LRRC14B: variants seen among roughly 807,000 people sequenced by gnomAD.
LRRC14B encodes leucine rich repeat containing 14B.
LRRC14B carries 23 observed loss-of-function variants against 16.9 expected under a neutral mutation model. The ratio of observed to expected loss-of-function variants is 1.36; its 90% CI spans 0.98 to 1.92. The LOEUF (loss-of-function observed/expected upper bound fraction) is 1.92, where lower values mean the gene tolerates loss of function less well. Ranked by LOEUF, LRRC14B falls within the 30% of genes most tolerant of loss-of-function variation. The probability of loss-of-function intolerance (pLI) is 0.00; values close to 1 mark genes in which losing one functional copy is unlikely to be tolerated. For missense variants in LRRC14B, 766 were observed against 705.7 expected (o/e 1.09, Z -0.97); for synonymous variants, 358 against 332.5 (o/e 1.08, Z -0.83).
At position 191,500 on chromosome 5, in the gene LRRC14B, C is replaced by A; in HGVS notation, c.-39C>A. 6.4e-7 allele frequency: 1 copy of A among 1,566,620 alleles called. No homozygotes were observed. Among genetic ancestry groups the A allele is most frequent in the South Asian group, 1.2e-5 (1 of 84,256 alleles). ...TAAAGATAGGCGTGAAGGGCACACG[C>A]CTTGGGGAAAGTCGTGGGGAGCGGT... On this transcript the variant is annotated 5_prime_UTR_variant, in exon 1 of 2. Coordinates refer to ENST00000328278, the MANE Select transcript of LRRC14B (RefSeq NM_001080478.3).
chr5:192,012 C>A lies in LRRC14B; in HGVS notation c.474C>A (p.Val158=). 1 of 1,535,312 alleles carries A rather than the reference C, an allele frequency of 6.5e-7. No individual in the cohort carries two copies. Among genetic ancestry groups the A allele is most frequent in the Non-Finnish European group, 8.7e-7 (1 of 1,146,406 alleles). The part of the protein sequence containing the change: ...EPLAAGRPVE[V]LADLFVTEGN... ...TCGCAGCCGGGCGCCCCGTCGAGGT[C>A]CTCGCCGACCTCTTCGTCACTGAGG... Residue 158 remains valine (V), a synonymous_variant, in exon 1 of 2, where the codon GTC becomes GTA. Transcript: ENST00000328278.
chr5:191,671 G>C lies in LRRC14B; in HGVS notation c.133G>C (p.Glu45Gln), dbSNP rs937072768. The C allele has an allele frequency of 6.2e-7, 1 of 1,604,924 alleles. No individual in the cohort carries two copies. The highest frequency in any genetic ancestry group is 1.3e-5 in the African/African-American group (1 of 74,890). ...CCTGTTCAAAGCCAGCTACCTGCTGGAGCAGGCGGAGGTGACGCGCGCGGT... is the reference window on the plus strand; with the variant it reads ...CCTGTTCAAAGCCAGCTACCTGCTGCAGCAGGCGGAGGTGACGCGCGCGGT... Reference protein sequence around the residue: ...PLLFKASYLLEQAEVTRAVLG... With the variant: ...PLLFKASYLLQQAEVTRAVLG... Residue 45 changes from glutamate (E) to glutamine (Q), a missense_variant, in exon 1 of 2, where the codon GAG (glutamate) becomes CAG (glutamine). Coordinates refer to ENST00000328278, the MANE Select transcript of LRRC14B (RefSeq NM_001080478.3).
chr5:194,331 A>G (rs372997591), intron 1 of LRRC14B, among the ~76,000 whole-genome samples: 2 of 152,092 alleles, frequency 1.3e-5, no homozygotes, highest in South Asian at 4.2e-4. Flanking sequence ...CTCAGACAAC[A>G]CAAAAGCAGC....
rs1733802034 is a variant in LRRC14B at position 191,845 on chromosome 5, A to G, written c.307A>G (p.Ser103Gly). The G allele has an allele frequency of 1.1e-5, 17 of 1,525,386 alleles. No homozygotes were observed. The South Asian group carries it at 2.1e-4, about 18-fold the overall frequency. 94.5% of individuals were successfully genotyped at this position (1,525,386 alleles called of 1,614,324 possible). A position where few individuals can be genotyped will look rare whatever the true frequency, so the allele number is the denominator to read the frequency against. Residue 103 changes from serine to glycine, a missense_variant, in exon 1 of 2, where the codon AGC becomes GGC. Ser to Gly is a moderately conservative substitution (Grantham distance 56). Coordinates refer to ENST00000328278, the MANE Select transcript of LRRC14B (RefSeq NM_001080478.3). ...GLADHVLQDRSRRRLRVADLT... is the reference protein window; with the variant it reads ...GLADHVLQDRGRRRLRVADLT... ...CGCGGACCACGTGCTGCAGGACCGG[A>G]GCCGCCGGCGGCTGCGGGTGGCTGA...
At chr5:193,202 G>C (rs2126487230) in intron 1 of LRRC14B, among the ~76,000 whole-genome samples, 1 of 151,728 alleles carries the variant, frequency 6.6e-6, no homozygotes, top group East Asian at 2.0e-4. Context: ...GAGGGAGCCT[G>C]GTGGTGGGTC....
At chr5:193,004 A>G (rs1286629132) in intron 1 of LRRC14B, among the ~76,000 whole-genome samples, 1 of 152,158 alleles carries the variant, frequency 6.6e-6, no homozygotes, top group Non-Finnish European at 1.5e-5. Flanking sequence ...TGAAGGAGGC[A>G]GAGAGGGCAG....
Position 194,951 on chromosome 5 carries a change from C to T in LRRC14B, c.1143C>T (p.Ile381=). The change falls in exon 2 of 2, where the codon ATC becomes ATT. Residue 381 remains isoleucine, a synonymous_variant. Transcript: ENST00000328278. Reference sequence around the variant, plus strand: ...TAGACAGCCACGTTGGCATGCTGATCCTGGGCCTGAGCCCCTGCCACCGGC... The same window carrying T: ...TAGACAGCCACGTTGGCATGCTGATTCTGGGCCTGAGCCCCTGCCACCGGC... ...GIVDSHVGML[I]LGLSPCHRLR... 1.9e-6 allele frequency: 3 copies of T among 1,613,464 alleles called. No individual in the cohort carries two copies. Among genetic ancestry groups the T allele is most frequent in the Non-Finnish European group, 2.5e-6 (3 of 1,179,736 alleles).
At chr5:193,221 G>C (rs1188259322) in intron 1 of LRRC14B, among the ~76,000 whole-genome samples, 1 of 150,770 alleles carries the variant, frequency 6.6e-6, no homozygotes, top group African/African-American at 2.4e-5. Context: ...TCCTGAAGGA[G>C]GGGCAGCTGG....
chr5:192,354 C>A lies in LRRC14B; in HGVS notation c.816C>A (p.Ala272=). 6.3e-7 allele frequency: 1 copy of A among 1,592,982 alleles called. No individual in the cohort carries two copies. Among genetic ancestry groups the A allele is most frequent in the Non-Finnish European group, 8.5e-7 (1 of 1,170,804 alleles). ...DGEDPLLASI[A]RELSKMAQLT... ...AGGACCCCCTCCTCGCCTCCATCGCCCGGGAGCTCAGCAAGATGGCGCAGC... is the reference window on the plus strand; with the variant it reads ...AGGACCCCCTCCTCGCCTCCATCGCACGGGAGCTCAGCAAGATGGCGCAGC... Residue 272 remains alanine, a synonymous_variant, in exon 1 of 2, where the codon GCC becomes GCA. Transcript: ENST00000328278.
chr5:193,707 T>C (rs921845573), intron 1 of LRRC14B, among the ~76,000 whole-genome samples: 4 of 149,778 alleles, frequency 2.7e-5, no homozygotes, highest in Non-Finnish European at 5.9e-5. Flanking sequence ...GCAGGGGGCA[T>C]GCCTGGCGTG....
rs546342219 is a variant in LRRC14B, at chr5:191,860, C to A, written c.322C>A (p.Arg108=). The part of the protein sequence containing the change: ...VLQDRSRRRL[R]VADLTGIRDV... ...GCAGGACCGGAGCCGCCGGCGGCTG[C>A]GGGTGGCTGACCTCACGGGCATCCG... Residue 108 remains arginine (R), a synonymous_variant, in exon 1 of 2, where the codon CGG becomes AGG. Coordinates refer to ENST00000328278, the MANE Select transcript of LRRC14B (RefSeq NM_001080478.3). 1.8e-5 allele frequency: 27 copies of A among 1,522,792 alleles called. No homozygotes were observed. Among genetic ancestry groups the A allele is most frequent in the Non-Finnish European group, 2.1e-5 (24 of 1,141,506 alleles). 94.3% of individuals were successfully genotyped at this position (1,522,792 alleles called of 1,614,324 possible).
Position 195,115 on chromosome 5 carries a change from AC to A in LRRC14B, c.1310del (p.Pro437HisfsTer67), listed in dbSNP as rs1733890278. On this transcript the variant is annotated frameshift_variant, in exon 2 of 2. Transcript: ENST00000328278. LOFTEE classifies it low-confidence loss of function (END_TRUNC). ...PKDCYPEGAA[Y>X]PQDELAMSKF... is the part of the protein sequence containing the mutation. ...GACTGCTACCCCGAGGGTGCCGCCT[AC>A]CCACAGGACGAGCTGGCCATGTCCA... is the stretch of plus-strand genomic sequence containing the variant. 5.6e-6 allele frequency: 9 copies of A among 1,613,918 alleles called. No individual in the cohort carries two copies. In the East Asian group the frequency reaches 1.8e-4, roughly 32 times the overall value.
In LRRC14B at chr5:191,820, C is replaced by G; in HGVS notation, c.282C>G (p.Leu94=). 1 of 1,530,150 alleles carries G rather than the reference C, an allele frequency of 6.5e-7. No homozygotes were observed. Among genetic ancestry groups the G allele is most frequent in the Non-Finnish European group, 8.7e-7 (1 of 1,143,212 alleles). 94.8% of individuals were successfully genotyped at this position (1,530,150 alleles called of 1,614,324 possible). The change falls in exon 1 of 2, where the codon CTC becomes CTG. Residue 94 remains leucine, a synonymous_variant. Coordinates refer to ENST00000328278, the MANE Select transcript of LRRC14B (RefSeq NM_001080478.3). ...GCCTGGAGGCGCTGGTGCGCGGCCT[C>G]GCGGACCACGTGCTGCAGGACCGGA... is the stretch of plus-strand genomic sequence containing the variant. ...RACLEALVRG[L]ADHVLQDRSR...
rs1339536055 is a variant in LRRC14B, at chr5:195,656, G to A, written c.*303G>A. ...CACATGGCAAAGAGCAGAGAAGCCC[G>A]GGAGGTGTGAGGAGTGGCCGACCTG... On this transcript the variant is annotated 3_prime_UTR_variant, in exon 2 of 2. Coordinates refer to ENST00000328278, the MANE Select transcript of LRRC14B (RefSeq NM_001080478.3). 1.4e-5 allele frequency: 6 copies of A among 431,292 alleles called. No homozygotes were observed. The highest frequency in any genetic ancestry group is 9.6e-5 in the East Asian group (2 of 20,926). 26.7% of individuals were successfully genotyped at this position (431,292 alleles called of 1,614,324 possible).
In LRRC14B at chr5:195,702, TG is replaced by T. The variant is rs1159137518; in HGVS notation, c.*352del. The T allele has an allele frequency of 6.2e-5, 20 of 322,210 alleles. No homozygotes were observed. Among genetic ancestry groups the T allele is most frequent in the Non-Finnish European group, 9.9e-5 (17 of 172,476 alleles). 20.0% of individuals were successfully genotyped at this position (322,210 alleles called of 1,614,324 possible). The stretch of plus-strand genomic sequence containing the variant: ...ACCTGGCCTCAGCGCATCTGGGCAC[TG>T]GGCGCAAGATGAAGCTTCAGGGGGC... On this transcript the variant is annotated 3_prime_UTR_variant, in exon 2 of 2. Coordinates refer to ENST00000328278, the MANE Select transcript of LRRC14B (RefSeq NM_001080478.3).
At chr5:192,910 C>T (rs1056365771) in intron 1 of LRRC14B, among the ~76,000 whole-genome samples, 1 of 152,168 alleles carries the variant, frequency 6.6e-6, no homozygotes, top group Non-Finnish European at 1.5e-5. Context: ...CAGTCTCCCT[C>T]GAGGGAGGCC....
Position 195,307 on chromosome 5 carries a change from A to G in LRRC14B, c.1499A>G (p.Lys500Arg), listed in dbSNP as rs1465084532. 5 of 1,608,022 alleles carry G rather than the reference A, an allele frequency of 3.1e-6. No individual in the cohort carries two copies. The highest frequency in any genetic ancestry group is 4.2e-6 in the Non-Finnish European group (5 of 1,179,850). ...ELGAFLLQAF[K>R]TALENFSRAL... ...GGTGCTTTCTTGCTGCAAGCTTTCA[A>G]AACTGCTCTAGAAAACTTCTCCAGA... is the stretch of plus-strand genomic sequence containing the variant. Residue 500 changes from lysine (K) to arginine (R), a missense_variant, in exon 2 of 2, where the codon AAA becomes AGA. Physicochemically the swap from Lys to Arg is conservative, Grantham distance 26. Coordinates refer to ENST00000328278, the MANE Select transcript of LRRC14B (RefSeq NM_001080478.3).
At position 191,686 on chromosome 5, in the gene LRRC14B, ACG is replaced by A. The variant is rs752589217; in HGVS notation, c.155_156del (p.Ala52GlyfsTer59). 1.9e-6 allele frequency: 3 copies of A among 1,600,684 alleles called. No homozygotes were observed. Among genetic ancestry groups the A allele is most frequent in the Admixed American group, 1.7e-5 (1 of 58,338 alleles). On this transcript the variant is annotated frameshift_variant, in exon 1 of 2. Transcript: ENST00000328278. LOFTEE classifies it high-confidence loss of function. ...CTACCTGCTGGAGCAGGCGGAGGTGACGCGCGCGGTGCTGGGGCGCTGGCCCC... is the reference window on the plus strand; with the variant it reads ...CTACCTGCTGGAGCAGGCGGAGGTGACGCGCGGTGCTGGGGCGCTGGCCCC... ...ASYLLEQAEVTRAVLGRWPLE... is the reference protein window; with the variant it reads ...ASYLLEQAEVXRAVLGRWPLE...
rs755525230 is a variant in LRRC14B, at chr5:192,019, G to A, written c.481G>A (p.Asp161Asn). The change falls in exon 1 of 2, where the codon GAC becomes AAC. Residue 161 changes from aspartate to asparagine, a missense_variant. Coordinates refer to ENST00000328278, the MANE Select transcript of LRRC14B (RefSeq NM_001080478.3). ...AAGRPVEVLA[D>N]LFVTEGNFEA... ...CGGGCGCCCCGTCGAGGTCCTCGCC[G>A]ACCTCTTCGTCACTGAGGGCAACTT... 1.9e-5 allele frequency: 29 copies of A among 1,536,454 alleles called. No individual in the cohort carries two copies. Among genetic ancestry groups the A allele is most frequent in the Middle Eastern group, 1.7e-4 (1 of 5,766 alleles).
Sources: gnomAD v4.1 joint callset for allele counts (sites outside exome capture counted in the v4.1 genomes callset) on GRCh38, gnomAD v4.1.1 for gene constraint, MANE v1.5 for transcripts, NCBI Gene and HGNC (gene_info 2026-07-23, HGNC 2026-07-21) for gene names.